Variants in EBF1 observed in about 807,000 individuals in gnomAD.
EBF1 encodes EBF transcription factor 1, also known as transcription factor COE1.
In EBF1, 10 loss-of-function variants were observed where a neutral mutation model predicts 68.4. That is an observed-to-expected ratio of 0.15 (90% CI 0.09 to 0.25). The LOEUF is 0.25. Ranked by LOEUF, EBF1 falls within the 10% of genes least tolerant of loss-of-function variation. The pLI is 1.00. For missense variants in EBF1, 509 were observed against 794.4 expected, an observed-to-expected ratio of 0.64 and a Z score of 4.32; for synonymous variants, 298 against 299.8, an observed-to-expected ratio of 0.99 and a Z score of 0.06.
At chr5:158,742,092 C>T (rs1245495442) in intron 10 of EBF1, among the ~76,000 whole-genome samples, 1 of 152,204 alleles carries the variant, frequency 6.6e-6, no homozygotes, top group East Asian at 1.9e-4. Context: ...TTCATTAGAG[C>T]AGCAAGTTAG....
intron 9 of EBF1, among the ~76,000 whole-genome samples, chr5:158,781,237 A>AT (rs1161638613): frequency 3.9e-5 from 6 of 152,334 alleles, no homozygotes; most frequent in African/African-American, 1.2e-4. Flanking sequence ...CCAATCTCTT[A>AT]TACTTATAAA....
chr5:158,936,464 A>G (rs1812038927), intron 6 of EBF1, among the ~76,000 whole-genome samples: 2 of 152,218 alleles, frequency 1.3e-5, no homozygotes, highest in African/African-American at 4.8e-5. Flanking sequence ...ACTAAATGAC[A>G]TACACATACA....
intron 5 of EBF1, among the ~76,000 whole-genome samples, chr5:159,076,024 G>A (rs1778714424): frequency 6.9e-6 from 1 of 144,714 alleles, no homozygotes; most frequent in South Asian, 2.1e-4. Flanking sequence ...TCTAAATTAG[G>A]TTTTTCCTGT....
intron 6 of EBF1, among the ~76,000 whole-genome samples, chr5:158,873,486 T>C (rs192694639): frequency 3.3e-5 from 5 of 152,348 alleles, no homozygotes; most frequent in African/African-American, 1.2e-4. Context: ...TAATATTTTA[T>C]GTATACTGAC....
intron 10 of EBF1, among the ~76,000 whole-genome samples, chr5:158,750,748 T>TA (rs1561821833): frequency 1.3e-5 from 2 of 151,890 alleles, no homozygotes; most frequent in Non-Finnish European, 2.9e-5. Context: ...AAGTTTTTTT[T>TA]AAAAATCTAC....
Position 159,097,004 on chromosome 5 carries a change from T to C in EBF1, c.261A>G (p.Thr87=), listed in dbSNP as rs1480388350. The C allele has an allele frequency of 2.5e-6, 4 of 1,612,942 alleles. No homozygotes were observed. Among genetic ancestry groups the C allele is most frequent in the Admixed American group, 1.7e-5 (1 of 59,886 alleles). ...RQGQPVEIER[T]AFVGFVEKEK... is the part of the protein sequence containing the mutation. ...CCTTCTCCACGAACCCCACAAACGC[T>C]GTCCTCTCGATCTCCACGGGCTGGC... The change falls in exon 2 of 16, where the codon ACA becomes ACG. Residue 87 remains threonine (T), a synonymous_variant. Transcript: ENST00000313708.
chr5:158,732,598 A>G (rs1764330029), intron 10 of EBF1, among the ~76,000 whole-genome samples: 1 of 152,198 alleles, frequency 6.6e-6, no homozygotes, highest in Admixed American at 6.5e-5. Flanking sequence ...TAAGGAAAAA[A>G]AAAAGCTGCA....
intron 6 of EBF1, among the ~76,000 whole-genome samples, chr5:159,062,380 G>C (rs1031233985): frequency 6.6e-6 from 1 of 152,036 alleles, no homozygotes; most frequent in Non-Finnish European, 1.5e-5. Context: ...AGGTGGCCTT[G>C]GAGAAGGCTG....
chr5:158,716,845 G>A (rs992182805), intron 11 of EBF1, among the ~76,000 whole-genome samples: 2 of 152,128 alleles, frequency 1.3e-5, no homozygotes, highest in Non-Finnish European at 2.9e-5. Context: ...AGAACATGAC[G>A]AGCAGGTCAG....
intron 10 of EBF1, among the ~76,000 whole-genome samples, chr5:158,758,991 T>C (rs1041008375): frequency 6.6e-6 from 1 of 152,222 alleles, no homozygotes; most frequent in African/African-American, 2.4e-5. Context: ...CTACATGTTT[T>C]GTGAATACCT....
At chr5:159,083,020 T>C (rs921672470) in intron 5 of EBF1, among the ~76,000 whole-genome samples, 1 of 152,202 alleles carries the variant, frequency 6.6e-6, no homozygotes, top group Non-Finnish European at 1.5e-5. Flanking sequence ...TCTTTAAATG[T>C]TTCAAGAATA....
At chr5:158,838,946 G>T (rs1213989967) in intron 7 of EBF1, among the ~76,000 whole-genome samples, 1 of 152,150 alleles carries the variant, frequency 6.6e-6, no homozygotes, top group Non-Finnish European at 1.5e-5. Context: ...CAAAGTGTGG[G>T]CGGTGGCCTT....
rs187531000 is a variant in EBF1, at chr5:158,697,738, A to T, written c.*1373T>A. Reference sequence around the variant, plus strand: ...CATTAAAATGTATAAATAGAACAACAACTTTGGCAAAAAATCACAAAAAAA... The same window carrying T: ...CATTAAAATGTATAAATAGAACAACTACTTTGGCAAAAAATCACAAAAAAA... On this transcript the variant is annotated 3_prime_UTR_variant, in exon 16 of 16. Transcript: ENST00000313708. The T allele has an allele frequency of 1.9e-5, 4 of 208,026 alleles. No individual in the cohort carries two copies. Among genetic ancestry groups the T allele is most frequent in the East Asian group, 7.2e-5 (1 of 13,910 alleles). The allele number at this position is 208,026 out of a possible 1,614,324, so 12.9% of individuals were successfully genotyped here.
At chr5:158,828,101 C>T (rs1444633425) in intron 7 of EBF1, among the ~76,000 whole-genome samples, 2 of 152,040 alleles carry the variant, frequency 1.3e-5, no homozygotes, top group Admixed American at 6.6e-5. Context: ...TTTAGGGCCC[C>T]TAATCACAAA....
chr5:158,805,350 G>C (rs1322872460), intron 8 of EBF1, among the ~76,000 whole-genome samples: 1 of 152,096 alleles, frequency 6.6e-6, no homozygotes, highest in Non-Finnish European at 1.5e-5. Flanking sequence ...CCTTGAATGT[G>C]TGTGCCGGAT....
intron 10 of EBF1, among the ~76,000 whole-genome samples, chr5:158,744,518 T>C (rs1054508090): frequency 1.3e-5 from 2 of 152,228 alleles, no homozygotes; most frequent in African/African-American, 4.8e-5. Flanking sequence ...AATGTTATAC[T>C]AAGATCATTA....
chr5:159,096,951 G>A (rs1354729857), intron 2 of EBF1, 23 bp downstream of exon 2: 3 of 1,611,374 alleles, frequency 1.9e-6, no homozygotes, highest in East Asian at 2.2e-5. Context: ...GGGACGAGGG[G>A]CGACAGCGCT....
At chr5:158,773,790 A>G (rs1246821453) in intron 10 of EBF1, among the ~76,000 whole-genome samples, 1 of 152,110 alleles carries the variant, frequency 6.6e-6, no homozygotes, top group Non-Finnish European at 1.5e-5. Flanking sequence ...TTAGCAGGAG[A>G]GATCACGATT....
chr5:158,917,477 T>C (rs1313996425), intron 6 of EBF1, among the ~76,000 whole-genome samples: 6 of 152,216 alleles, frequency 3.9e-5, no homozygotes, highest in Non-Finnish European at 7.3e-5. Context: ...AGGAGGTCTT[T>C]AGAGACCATC....
Sources: allele counts gnomAD v4.1 joint callset (sites outside exome capture counted in the v4.1 genomes callset), GRCh38; gene constraint gnomAD v4.1.1; transcripts MANE v1.5; gene names NCBI Gene and HGNC (gene_info 2026-07-23, HGNC 2026-07-21).